The following STMND1 variants were observed in gnomAD, a reference collection of about 807,000 sequenced individuals.
STMND1 encodes the protein stathmin domain containing 1, also known as stathmin domain-containing protein 1.
A neutral mutation model predicts 23.0 loss-of-function variants in STMND1; 17 were observed. The ratio of observed to expected loss-of-function variants is 0.74; its 90% CI spans 0.51 to 1.11. STMND1 has a LOEUF of 1.11. Ranked by LOEUF, STMND1 falls within the 50% of genes least tolerant of loss-of-function variation. STMND1 has a pLI of 0.00. For missense variants in STMND1, 305 were observed against 329.1 expected (o/e 0.93, Z 0.57); for synonymous variants, 114 against 119.9 (o/e 0.95, Z 0.32).
At chr6:17,111,044 T>A (rs906456493) in intron 1 of STMND1, among the ~76,000 whole-genome samples, 4 of 152,176 alleles carry the variant, frequency 2.6e-5, no homozygotes, top group African/African-American at 9.7e-5. Flanking sequence ...ATTTACTTAC[T>A]CTAAAAATAA....
intron 4 of STMND1, among the ~76,000 whole-genome samples, chr6:17,130,210 A>G (rs570191711): frequency 2.3e-4 from 35 of 152,286 alleles, no homozygotes; most frequent in South Asian, 6.2e-4. Context: ...GGCTGGGGGC[A>G]GGAGTAAAGG....
intron 1 of STMND1, among the ~76,000 whole-genome samples, chr6:17,111,070 AT>A (rs1761091193): frequency 6.6e-6 from 1 of 152,216 alleles, no homozygotes; most frequent in African/African-American, 2.4e-5. Context: ...AGTTCTTTAA[AT>A]TGAATTAATT....
At chr6:17,109,918 C>T (rs767037794) in intron 1 of STMND1, among the ~76,000 whole-genome samples, 2 of 152,200 alleles carry the variant, frequency 1.3e-5, no homozygotes, top group Non-Finnish European at 2.9e-5. Context: ...GGATTCCTGT[C>T]GCATTCAAAA....
intron 1 of STMND1, among the ~76,000 whole-genome samples, chr6:17,113,568 C>G (rs556206144): frequency 3.9e-5 from 6 of 152,082 alleles, no homozygotes; most frequent in African/African-American, 7.2e-5. Context: ...CCAGCTGACA[C>G]ATAAAACTGA....
Position 17,130,633 on chromosome 6 carries a change from C to A in STMND1, c.583C>A (p.Arg195=), listed in dbSNP as rs1470285510. 1.3e-6 allele frequency: 2 copies of A among 1,534,752 alleles called. No homozygotes were observed. The highest frequency in any genetic ancestry group is 1.2e-5 in the South Asian group (1 of 83,768). Residue 195 remains arginine (R), a synonymous_variant, in exon 5 of 5, where the codon CGA becomes AGA. Transcript: ENST00000536551. ...AATAAGAAAAAGGCTACGGAGTGAC[C>A]GACTTTTGCCTTCAGCCAATCACTC... ...EEIRKRLRSD[R]LLPSANHSDS... is the part of the protein sequence containing the mutation.
intron 1 of STMND1, among the ~76,000 whole-genome samples, chr6:17,108,579 T>G (rs1346349122): frequency 6.6e-6 from 1 of 152,178 alleles, no homozygotes; most frequent in Non-Finnish European, 1.5e-5. Context: ...TGGCTTTTAG[T>G]AGTTTATTTG....
intron 4 of STMND1, among the ~76,000 whole-genome samples, chr6:17,129,835 C>A (rs1304450904): frequency 6.6e-6 from 1 of 151,606 alleles, no homozygotes; most frequent in Non-Finnish European, 1.5e-5. Flanking sequence ...CAGAATGAGA[C>A]CCCGTCTCCA....
intron 4 of STMND1, among the ~76,000 whole-genome samples, chr6:17,130,277 T>C (rs1218183087): frequency 2.0e-5 from 3 of 152,116 alleles, no homozygotes; most frequent in Non-Finnish European, 4.4e-5. Flanking sequence ...TCAGGCTGCA[T>C]TACTCCTGCT....
chr6:17,102,253 G>A lies in STMND1; in HGVS notation c.-5G>A, dbSNP rs1249192760. 2.6e-6 allele frequency: 4 copies of A among 1,525,210 alleles called. No homozygotes were observed. The highest frequency in any genetic ancestry group is 4.0e-5 in the Admixed American group (2 of 49,746). 94.5% of individuals were successfully genotyped at this position (1,525,210 alleles called of 1,614,324 possible). A position where few individuals can be genotyped will look rare whatever the true frequency, so the allele number is the denominator to read the frequency against. ...GCCCGCGGAGGAGGAGCGCGCGCGC[G>A]CAGCATGGGCTGTGGACCTTCCCAA... On this transcript the variant is annotated 5_prime_UTR_variant, in exon 1 of 5. Transcript: ENST00000536551.
chr6:17,117,725 G>A (rs1761179668), intron 2 of STMND1, among the ~76,000 whole-genome samples: 1 of 131,636 alleles, frequency 7.6e-6, no homozygotes, highest in African/African-American at 2.9e-5. Flanking sequence ...ACCCAAGCTG[G>A]ATTGCAGTGG....
rs552437782 is a variant in STMND1, at chr6:17,102,190, C to G, written c.-68C>G. The G allele has an allele frequency of 2.5e-4, 358 of 1,426,084 alleles. No individual in the cohort carries two copies. The African/African-American group carries it at 3.9e-3, about 16-fold the overall frequency. 88.3% of individuals were successfully genotyped at this position (1,426,084 alleles called of 1,614,324 possible). Reference sequence around the variant, plus strand: ...GAGCGCGGGACCACCGGCGCCGGAGCGCGGCAGGGAGCGCTCGCGGGGGCG... The same window carrying G: ...GAGCGCGGGACCACCGGCGCCGGAGGGCGGCAGGGAGCGCTCGCGGGGGCG... On this transcript the variant is annotated 5_prime_UTR_variant, in exon 1 of 5. Coordinates refer to ENST00000536551, the MANE Select transcript of STMND1 (RefSeq NM_001190766.2).
At chr6:17,127,149 A>G (rs1311114255) in intron 3 of STMND1, among the ~76,000 whole-genome samples, 1 of 152,226 alleles carries the variant, frequency 6.6e-6, no homozygotes, top group Non-Finnish European at 1.5e-5. Flanking sequence ...CAGAGTGGCT[A>G]CTTTATCCTT....
chr6:17,102,878 C>G (rs1275507554), intron 1 of STMND1, among the ~76,000 whole-genome samples: 1 of 152,190 alleles, frequency 6.6e-6, no homozygotes, highest in Non-Finnish European at 1.5e-5. Context: ...GGCGACTTGT[C>G]CGAGGCTGCA....
At chr6:17,105,190 G>A (rs1001493955) in intron 1 of STMND1, among the ~76,000 whole-genome samples, 5 of 152,174 alleles carry the variant, frequency 3.3e-5, no homozygotes, top group African/African-American at 7.2e-5. Context: ...TTTGGTATCC[G>A]AGGGAGGTCC....
chr6:17,117,447 C>G (rs1276419979), intron 2 of STMND1, among the ~76,000 whole-genome samples: 1 of 152,072 alleles, frequency 6.6e-6, no homozygotes, highest in Non-Finnish European at 1.5e-5. Flanking sequence ...CACAACTGCT[C>G]TTTATAAATG....
At chr6:17,106,239 C>A (rs1262145026) in intron 1 of STMND1, among the ~76,000 whole-genome samples, 1 of 152,208 alleles carries the variant, frequency 6.6e-6, no homozygotes, top group Non-Finnish European at 1.5e-5. Context: ...TGCCACCATG[C>A]TGGCAGGGTT....
chr6:17,128,698 T>C (rs1761343042), intron 3 of STMND1: 1 of 152,364 alleles, frequency 6.6e-6, no homozygotes, highest in South Asian at 2.1e-4. Flanking sequence ...ATTTTTAGAA[T>C]TTACTTTATT....
At position 17,102,114 on chromosome 6, in the gene STMND1, A is replaced by G; in HGVS notation, c.-144A>G. On this transcript the variant is annotated 5_prime_UTR_variant, in exon 1 of 5. Transcript: ENST00000536551. ...GGGGTTTAAGCGCGGGAAGTGGGAGAGGCGGGTGGCGCCCGAGCGCAGTAG... is the reference window on the plus strand; with the variant it reads ...GGGGTTTAAGCGCGGGAAGTGGGAGGGGCGGGTGGCGCCCGAGCGCAGTAG... 1.4e-6 allele frequency: 1 copy of G among 721,768 alleles called. No homozygotes were observed. Among genetic ancestry groups the G allele is most frequent in the Non-Finnish European group, 2.0e-6 (1 of 500,786 alleles). 44.7% of individuals were successfully genotyped at this position (721,768 alleles called of 1,614,324 possible). A position where few individuals can be genotyped will look rare whatever the true frequency, so the allele number is the denominator to read the frequency against.
Position 17,115,083 on chromosome 6 carries a change from G to C in STMND1, c.203G>C (p.Gly68Ala). 2 of 1,535,884 alleles carry C rather than the reference G, an allele frequency of 1.3e-6. No individual in the cohort carries two copies. The highest frequency in any genetic ancestry group is 1.7e-6 in the Non-Finnish European group (2 of 1,146,804). ...CAAGTCCAGATGGGAAGCTTACCTG[G>C]AACCATTTCAGAAAATTCTCCATCT... ...LEQVQMGSLP[G>A]TISENSPSPS... The change falls in exon 2 of 5, where the codon GGA becomes GCA. Residue 68 changes from glycine (G) to alanine (A), a missense_variant. Coordinates refer to ENST00000536551, the MANE Select transcript of STMND1 (RefSeq NM_001190766.2).
Sources: allele counts gnomAD v4.1 joint callset (sites outside exome capture counted in the v4.1 genomes callset), GRCh38; gene constraint gnomAD v4.1.1; transcripts MANE v1.5; gene names NCBI Gene and HGNC (gene_info 2026-07-23, HGNC 2026-07-21).